EML6: variants seen among roughly 807,000 people sequenced by gnomAD.
The protein encoded by EML6 is EMAP like 6, also known as echinoderm microtubule-associated protein-like 6.
In EML6, 154 loss-of-function variants were observed where a neutral mutation model predicts 240.1. The observed-to-expected ratio is 0.64, with a 90% CI of 0.56 to 0.73. The LOEUF (loss-of-function observed/expected upper bound fraction) is 0.73. Ranked by LOEUF, EML6 falls within the 30% of genes least tolerant of loss-of-function variation. The pLI, the probability that EML6 is intolerant of heterozygous loss-of-function variation, is 0.00. For synonymous variants in EML6, 1,148 were observed against 899.0 expected (o/e 1.28, Z -4.95); for missense variants, 2,964 against 2,474.6 (o/e 1.20, Z -4.20).
intron 2 of EML6, among the ~76,000 whole-genome samples, chr2:54,785,403 G>A (rs1490863713): frequency 6.6e-6 from 1 of 151,822 alleles, no homozygotes; most frequent in Non-Finnish European, 1.5e-5. Context: ...TTGAACTCCG[G>A]ACCTCAAGTG....
chr2:54,847,755 A>ATT, intron 9 of EML6, 132 bp downstream of exon 9: 2 of 791,086 alleles, frequency 2.5e-6, no homozygotes, highest in Non-Finnish European at 1.7e-6. Flanking sequence ...CTATAGATCT[A>ATT]CGATCCCCTA....
chr2:54,899,511 C>T, intron 21 of EML6, 130 bp from the exon 22 acceptor site: 1 of 901,592 alleles, frequency 1.1e-6, no homozygotes, highest in Non-Finnish European at 1.6e-6. Flanking sequence ...TTCAAGGAAG[C>T]TCAAAGTGTG....
At chr2:54,809,360 C>T (rs755998307) in intron 2 of EML6, among the ~76,000 whole-genome samples, 7 of 152,142 alleles carry the variant, frequency 4.6e-5, no homozygotes, top group South Asian at 2.1e-4. Context: ...TGGCACTCTC[C>T]GCTTCTGTGA....
intron 2 of EML6, among the ~76,000 whole-genome samples, chr2:54,794,504 A>C (rs1669644937): frequency 6.6e-6 from 1 of 151,680 alleles, no homozygotes; most frequent in South Asian, 2.1e-4. Context: ...GGAAGGGTCA[A>C]CTCAGTTCCC....
At chr2:54,743,387 C>G (rs1283654214) in intron 2 of EML6, among the ~76,000 whole-genome samples, 1 of 152,236 alleles carries the variant, frequency 6.6e-6, no homozygotes, top group African/African-American at 2.4e-5. Flanking sequence ...TATTTTTTCT[C>G]ATCAATGTTG....
intron 2 of EML6, among the ~76,000 whole-genome samples, chr2:54,734,202 A>G (rs904486728): frequency 6.6e-6 from 1 of 152,116 alleles, no homozygotes; most frequent in African/African-American, 2.4e-5. Context: ...GCCGGGCATG[A>G]TGGCGGGTGC....
chr2:54,804,364 T>G (rs971996283), intron 2 of EML6, among the ~76,000 whole-genome samples: 7 of 152,260 alleles, frequency 4.6e-5, no homozygotes, highest in Admixed American at 4.6e-4. Flanking sequence ...AAGCTGGATT[T>G]CACATAGACC....
chr2:54,798,168 GTTTA>G (rs1292411015), intron 2 of EML6, among the ~76,000 whole-genome samples: 15 of 151,972 alleles, frequency 9.9e-5, no homozygotes, highest in East Asian at 1.9e-4. Flanking sequence ...GTATTTTATA[GTTTA>G]TTTATTTATT....
chr2:54,957,512 A>C (rs186505283), intron 32 of EML6, among the ~76,000 whole-genome samples: 1 of 152,116 alleles, frequency 6.6e-6, no homozygotes, highest in Non-Finnish European at 1.5e-5. Flanking sequence ...CTGCCTTCTC[A>C]TATCTGGAAG....
intron 5 of EML6, among the ~76,000 whole-genome samples, chr2:54,823,772 A>T (rs1368111463): frequency 6.6e-6 from 1 of 150,406 alleles, no homozygotes; most frequent in Non-Finnish European, 1.5e-5. Context: ...TCTGACTTTG[A>T]TTTGTGATTG....
chr2:54,886,278 G>C (rs987938511), intron 17 of EML6, among the ~76,000 whole-genome samples: 9 of 146,208 alleles, frequency 6.2e-5, no homozygotes, highest in African/African-American at 2.3e-4. Flanking sequence ...TGATTCTCCT[G>C]TCTCAGCCTC....
intron 2 of EML6, among the ~76,000 whole-genome samples, chr2:54,743,428 G>C (rs1683753086): frequency 6.6e-6 from 1 of 152,202 alleles, no homozygotes; most frequent in African/African-American, 2.4e-5. Flanking sequence ...AGGACCTGCT[G>C]TATATATCTA....
At chr2:54,939,779 A>C (rs1242953240) in intron 28 of EML6, among the ~76,000 whole-genome samples, 1 of 152,196 alleles carries the variant, frequency 6.6e-6, no homozygotes, top group African/African-American at 2.4e-5. Context: ...ATCCCATACA[A>C]GTCTAGGGGT....
At chr2:54,949,662 C>T (rs1558717807) in intron 29 of EML6, among the ~76,000 whole-genome samples, 1 of 152,162 alleles carries the variant, frequency 6.6e-6, no homozygotes, top group Non-Finnish European at 1.5e-5. Context: ...TCTTCCATGC[C>T]TCATGCTGGC....
chr2:54,859,947 T>C (rs1433696100), intron 12 of EML6, among the ~76,000 whole-genome samples: 1 of 152,218 alleles, frequency 6.6e-6, no homozygotes, highest in African/African-American at 2.4e-5. Context: ...ACATCTGCAA[T>C]GTCAGAATAG....
chr2:54,928,052 T>C (rs534219700), intron 26 of EML6, among the ~76,000 whole-genome samples: 43 of 152,358 alleles, frequency 2.8e-4, no homozygotes, highest in South Asian at 2.1e-4. Context: ...TATATGTCTA[T>C]AGATTCCCAG....
At position 54,820,381 on chromosome 2, in the gene EML6, A is replaced by C. The variant is rs1277098323; in HGVS notation, c.457-13A>C. ...CAAATGATCAACATGGCAACTTTTA[A>C]TGTTTTGAACAGATTTTTGATATTT... On this transcript the variant is annotated splice_polypyrimidine_tract_variant and intron_variant, in intron 4 of 41. Transcript: ENST00000356458. The C allele has an allele frequency of 1.9e-6, 3 of 1,539,936 alleles. No individual in the cohort carries two copies. Among genetic ancestry groups the C allele is most frequent in the African/African-American group, 2.8e-5 (2 of 72,632 alleles).
At chr2:54,738,545 A>C (rs1683498269) in intron 2 of EML6, among the ~76,000 whole-genome samples, 1 of 152,226 alleles carries the variant, frequency 6.6e-6, no homozygotes, top group Non-Finnish European at 1.5e-5. Context: ...TCCATACCAC[A>C]GACAGCACCT....
intron 2 of EML6, among the ~76,000 whole-genome samples, chr2:54,779,467 A>T (rs1668749070): frequency 6.7e-6 from 1 of 149,638 alleles, no homozygotes; most frequent in Admixed American, 6.7e-5. Flanking sequence ...AATCGCTTGA[A>T]CTCGGGAGGT....
Sources: allele counts gnomAD v4.1 joint callset (sites outside exome capture counted in the v4.1 genomes callset), GRCh38; gene constraint gnomAD v4.1.1; transcripts MANE v1.5; gene names NCBI Gene and HGNC (gene_info 2026-07-23, HGNC 2026-07-21).